The following METTL22 variants were observed in gnomAD, a reference collection of about 807,000 sequenced individuals.
The protein encoded by METTL22 is methyltransferase-like protein 22.
Under a neutral mutation model 48.4 loss-of-function variants are expected in METTL22, and 51 were observed. The observed-to-expected ratio is 1.05, with a 90% CI of 0.84 to 1.33. METTL22 has a LOEUF of 1.33. Ranked by LOEUF, METTL22 falls within the 40% of genes most tolerant of loss-of-function variation. The probability of loss-of-function intolerance (pLI) is 0.00; values close to 1 mark genes in which losing one functional copy is unlikely to be tolerated. For missense variants in METTL22, 678 were observed against 526.9 expected, an observed-to-expected ratio of 1.29 and a Z score of -2.81; for synonymous variants, 255 against 214.1, an observed-to-expected ratio of 1.19 and a Z score of -1.67.
downstream of METTL22, among the ~76,000 whole-genome samples, chr16:8,654,012 A>C (rs1223550177): frequency 1.3e-5 from 2 of 152,206 alleles, no homozygotes; most frequent in Non-Finnish European, 1.5e-5. Flanking sequence ...TGTCAGAGCA[A>C]GACCCCATCT....
chr16:8,663,845 T>C, the METTL22 span, among the ~76,000 whole-genome samples: 1 of 152,214 alleles, frequency 6.6e-6, no homozygotes, highest in East Asian at 1.9e-4. Flanking sequence ...GTCTCAGCAC[T>C]GCCAACGTGT....
Sources: gnomAD v4.1 joint callset for allele counts (sites outside exome capture counted in the v4.1 genomes callset) on GRCh38, gnomAD v4.1.1 for gene constraint, MANE v1.5 for transcripts, NCBI Gene and HGNC (gene_info 2026-07-23, HGNC 2026-07-21) for gene names.